Variants in TDRD1 observed in about 807,000 individuals in gnomAD.
TDRD1 encodes tudor domain-containing protein 1.
A neutral mutation model predicts 140.6 loss-of-function variants in TDRD1; 37 were observed. The observed-to-expected ratio is 0.26, with a 90% CI of 0.20 to 0.35. The LOEUF (loss-of-function observed/expected upper bound fraction) is 0.35. TDRD1 is among the 10% of genes least tolerant of loss of function. The pLI is 1.00. For synonymous variants in TDRD1, 506 were observed against 475.7 expected (o/e 1.06, Z -0.83); for missense variants, 1,243 against 1,393.0 (o/e 0.89, Z 1.71).
chr10:114,178,675 C>T (rs1032946057), upstream of TDRD1, among the ~76,000 whole-genome samples: 1 of 152,086 alleles, frequency 6.6e-6, no homozygotes, highest in Non-Finnish European at 1.5e-5. Context: ...TGAGGGAGGA[C>T]TATGCTGGGG....
intron 1 of TDRD1, among the ~76,000 whole-genome samples, chr10:114,186,558 C>A (rs1387401953): frequency 2.0e-5 from 3 of 152,218 alleles, no homozygotes; most frequent in African/African-American, 7.2e-5. Context: ...AGCCACCGCG[C>A]CCAGCCTTTA....
chr10:114,232,263 T>A (rs954544663), exon 26 of TDRD1: 1 of 151,760 alleles, frequency 6.6e-6, no homozygotes, highest in Admixed American at 6.6e-5. Context: ...TAGATAGAAT[T>A]TACTGTTTCT....
At chr10:114,186,912 C>A (rs1485833852) in intron 1 of TDRD1, among the ~76,000 whole-genome samples, 1 of 152,084 alleles carries the variant, frequency 6.6e-6, no homozygotes, top group African/African-American at 2.4e-5. Flanking sequence ...CTATTCAAGA[C>A]CATGTTAAAC....
chr10:114,222,493 G>A (rs1277971946), intron 20 of TDRD1, 94 bp from the exon 21 acceptor site: 1 of 601,252 alleles, frequency 1.7e-6, no homozygotes, highest in Non-Finnish European at 2.9e-6. Flanking sequence ...TACACAAAGG[G>A]TTTTTGGATT....
At chr10:114,194,418 A>G (rs1025860997) in intron 3 of TDRD1, among the ~76,000 whole-genome samples, 1 of 151,998 alleles carries the variant, frequency 6.6e-6, no homozygotes, top group Non-Finnish European at 1.5e-5. Flanking sequence ...TTGTGTTTGC[A>G]TTTTTTAAGG....
At chr10:114,206,616 T>G (rs1198995002) in intron 11 of TDRD1, among the ~76,000 whole-genome samples, 4 of 149,584 alleles carry the variant, frequency 2.7e-5, no homozygotes, top group East Asian at 1.9e-4. Flanking sequence ...GGTTTGTTTT[T>G]TTTTTTTTTT....
exon 14 of TDRD1, chr10:114,211,988 C>G (rs2035516123): frequency 6.2e-7 from 1 of 1,611,542 alleles, no homozygotes; most frequent in Non-Finnish European, 8.5e-7. Context: ...TCCCATAATC[C>G]CAAAGTTGTT....
intron 10 of TDRD1, among the ~76,000 whole-genome samples, chr10:114,205,770 A>T (rs548733892): frequency 6.6e-6 from 1 of 152,316 alleles, no homozygotes; most frequent in African/African-American, 2.4e-5. Flanking sequence ...CAAAACAAAA[A>T]ATAGTTAAAA....
chr10:114,228,076 C>A, exon 25 of TDRD1: 1 of 1,606,652 alleles, frequency 6.2e-7, no homozygotes, highest in South Asian at 1.1e-5. Context: ...TCCTCTTAAA[C>A]AATTCAACCA....
intron 9 of TDRD1, 51 bp from the exon 10 acceptor site, chr10:114,204,671 A>C: frequency 1.3e-6 from 2 of 1,528,122 alleles, no homozygotes; most frequent in Non-Finnish European, 1.8e-6. Flanking sequence ...AATTAGAAAA[A>C]ATCATTTTTA....
chr10:114,187,535 A>G (rs1246342371), intron 1 of TDRD1, among the ~76,000 whole-genome samples: 1 of 152,248 alleles, frequency 6.6e-6, no homozygotes, highest in African/African-American at 2.4e-5. Context: ...GACCTTTTCA[A>G]TTAGTGTTGC....
chr10:114,231,621 A>C (rs1042794665), exon 26 of TDRD1: 3 of 951,092 alleles, frequency 3.2e-6, no homozygotes, highest in Non-Finnish European at 1.5e-6. Flanking sequence ...ATGACCTTCT[A>C]TCCCTCCGTT....
chr10:114,204,005 G>A (rs2034937266), intron 8 of TDRD1, 68 bp from the exon 9 acceptor site: 1 of 1,546,820 alleles, frequency 6.5e-7, no homozygotes, highest in African/African-American at 1.4e-5. Flanking sequence ...TAGATTGATT[G>A]AGGGTTTTTT....
chr10:114,197,428 T>G (rs2034439933), intron 3 of TDRD1, among the ~76,000 whole-genome samples: 1 of 152,202 alleles, frequency 6.6e-6, no homozygotes, highest in South Asian at 2.1e-4. Flanking sequence ...ATATCTTTTA[T>G]TTCTTTAGGG....
At chr10:114,208,660 A>C (rs1159027291) in intron 11 of TDRD1, among the ~76,000 whole-genome samples, 1 of 152,158 alleles carries the variant, frequency 6.6e-6, no homozygotes, top group African/African-American at 2.4e-5. Flanking sequence ...TCTGTCTCCT[A>C]CAAGATTTAG....
intron 3 of TDRD1, among the ~76,000 whole-genome samples, chr10:114,192,471 A>AT (rs971754640): frequency 6.6e-6 from 1 of 150,492 alleles, no homozygotes; most frequent in African/African-American, 2.4e-5. Context: ...CGCCTGGCTA[A>AT]TTTTTTTTGT....
At chr10:114,210,518 A>T in intron 11 of TDRD1, 63 bp from the exon 12 acceptor site, 1 of 1,461,194 alleles carries the variant, frequency 6.8e-7, no homozygotes, top group South Asian at 1.4e-5. Context: ...TAAAGCGTGC[A>T]TAATTTTTTT....
chr10:114,227,753 G>GGT (rs1487743313), intron 23 of TDRD1, among the ~76,000 whole-genome samples, 157 bp from the exon 24 acceptor site: 1 of 152,180 alleles, frequency 6.6e-6, no homozygotes, highest in Non-Finnish European at 1.5e-5. Flanking sequence ...TCCAGACCAT[G>GGT]GTAGTAGATA....
chr10:114,193,850 T>C (rs2034160286), intron 3 of TDRD1, among the ~76,000 whole-genome samples: 1 of 152,246 alleles, frequency 6.6e-6, no homozygotes, highest in South Asian at 2.1e-4. Context: ...TTTGTAGATG[T>C]TCTTTATCAA....
Sources: gnomAD v4.1 joint callset for allele counts (sites outside exome capture counted in the v4.1 genomes callset) on GRCh38, gnomAD v4.1.1 for gene constraint, MANE v1.5 for transcripts, NCBI Gene and HGNC (gene_info 2026-07-23, HGNC 2026-07-21) for gene names.